Variants in WWP1 observed in about 807,000 individuals in gnomAD.
The protein encoded by WWP1 is WW domain containing E3 ubiquitin protein ligase 1.
Under a neutral mutation model 130.6 loss-of-function variants are expected in WWP1, and 49 were observed. The ratio of observed to expected loss-of-function variants is 0.38; its 90% CI spans 0.30 to 0.48. The LOEUF is 0.48. WWP1 is among the 20% of genes least tolerant of loss of function. The pLI is 0.99. For missense variants in WWP1, 809 were observed against 1,100.6 expected (o/e 0.74, Z 3.75); for synonymous variants, 332 against 367.8 (o/e 0.90, Z 1.11).
At chr8:86,374,162 CT>C (rs1396917781) in intron 3 of WWP1, 42 bp downstream of exon 3, 3 of 1,512,898 alleles carry the variant, frequency 2.0e-6, no homozygotes, top group African/African-American at 1.4e-5. Context: ...CCCTGATGAA[CT>C]TTTCTTTTGA....
In WWP1 at chr8:86,431,719, A is replaced by G; in HGVS notation, c.1577A>G (p.Asp526Gly). 1 of 1,613,942 alleles carries G rather than the reference A, an allele frequency of 6.2e-7. No homozygotes were observed. The highest frequency in any genetic ancestry group is 8.5e-7 in the Non-Finnish European group (1 of 1,179,898). Residue 526 changes from aspartate to glycine, a missense_variant, in exon 14 of 25, where the codon GAT (aspartate) becomes GGT (glycine). By Grantham distance (94) the Asp-to-Gly change is moderately conservative (BLOSUM62 -1). This residue lies in a region of WWP1 where 450 missense variants were observed against 674.2 expected (regional missense o/e 0.67). Coordinates refer to ENST00000517970, the MANE Select transcript of WWP1 (RefSeq NM_007013.4). ...DHNTRTTTFKDPRNGKSSVTK... is the reference protein window; with the variant it reads ...DHNTRTTTFKGPRNGKSSVTK... ...AACACAAGAACAACAACATTCAAAG[A>G]TCCTCGCAATGGGAAGTCATCTGTG...
chr8:86,424,642 A>G (rs1430828375), intron 9 of WWP1, among the ~76,000 whole-genome samples: 1 of 151,708 alleles, frequency 6.6e-6, no homozygotes, highest in Non-Finnish European at 1.5e-5. Context: ...GTCTCCACCA[A>G]AAAAATACGA....
intron 14 of WWP1, 78 bp downstream of exon 14, chr8:86,431,821 T>A: frequency 1.9e-6 from 3 of 1,572,610 alleles, no homozygotes; most frequent in Non-Finnish European, 2.6e-6. Flanking sequence ...TATCCTCAAG[T>A]TTAGCAAAAC....
intron 3 of WWP1, among the ~76,000 whole-genome samples, chr8:86,378,573 AAATC>A (rs1586301050): frequency 6.6e-6 from 1 of 152,298 alleles, no homozygotes; most frequent in East Asian, 1.9e-4. Flanking sequence ...ATGAGAAAAA[AAATC>A]TATATATTCT....
intron 23 of WWP1, 39 bp from the exon 24 acceptor site, chr8:86,461,735 A>T: frequency 1.3e-6 from 2 of 1,556,084 alleles, no homozygotes; most frequent in Non-Finnish European, 1.8e-6. Context: ...AAAAAAGTTT[A>T]AAGGACCAGA....
chr8:86,461,205 A>T lies in WWP1; in HGVS notation c.2500-19A>T, dbSNP rs746700404. The T allele has an allele frequency of 1.3e-6, 2 of 1,582,604 alleles. No homozygotes were observed. Among genetic ancestry groups the T allele is most frequent in the Non-Finnish European group, 1.7e-6 (2 of 1,152,008 alleles). On this transcript the variant is annotated intron_variant, in intron 22 of 24. Coordinates refer to ENST00000517970, the MANE Select transcript of WWP1 (RefSeq NM_007013.4). The stretch of plus-strand genomic sequence containing the variant: ...ATAGTTTAGCATTTCATATTAAAGT[A>T]CATTTAATTTCATTACAGTTTGTGA...
At chr8:86,359,473 T>C (rs1415806917) in intron 1 of WWP1, among the ~76,000 whole-genome samples, 2 of 152,194 alleles carry the variant, frequency 1.3e-5, no homozygotes, top group African/African-American at 4.8e-5. Flanking sequence ...CAGGGAATTT[T>C]GTCTATTCTC....
chr8:86,433,811 A>T (rs1401538456), intron 14 of WWP1, among the ~76,000 whole-genome samples: 1 of 152,070 alleles, frequency 6.6e-6, no homozygotes, highest in African/African-American at 2.4e-5. Context: ...CCAGCTACTC[A>T]GGAGGCTGAG....
chr8:86,424,509 G>A (rs1168606635), intron 9 of WWP1, among the ~76,000 whole-genome samples: 1 of 152,002 alleles, frequency 6.6e-6, no homozygotes, highest in Non-Finnish European at 1.5e-5. Flanking sequence ...CTCCAGCCTG[G>A]GCACCATTGA....
intron 1 of WWP1, among the ~76,000 whole-genome samples, chr8:86,359,771 C>T (rs947828314): frequency 1.7e-4 from 26 of 151,952 alleles, no homozygotes; most frequent in African/African-American, 5.1e-4. Flanking sequence ...CAGTCCTCGG[C>T]GGGCGCAGTG....
chr8:86,409,447 G>T (rs1457590345), intron 8 of WWP1, among the ~76,000 whole-genome samples: 1 of 149,752 alleles, frequency 6.7e-6, no homozygotes, highest in African/African-American at 2.4e-5. Context: ...TGTTGGTCAG[G>T]GTGGTCTCAA....
At chr8:86,430,068 G>A (rs1048966452) in intron 11 of WWP1, among the ~76,000 whole-genome samples, 14 of 152,026 alleles carry the variant, frequency 9.2e-5, no homozygotes, top group African/African-American at 2.7e-4. Context: ...GTGTGGTGGC[G>A]CATATCTGTA....
At chr8:86,437,039 T>C (rs1303719679) in intron 16 of WWP1, among the ~76,000 whole-genome samples, 3 of 152,198 alleles carry the variant, frequency 2.0e-5, no homozygotes, top group Non-Finnish European at 4.4e-5. Context: ...TTAGTAAATG[T>C]ACATCTGAAT....
intron 8 of WWP1, among the ~76,000 whole-genome samples, chr8:86,403,609 A>G (rs1039155331): frequency 2.6e-5 from 4 of 152,140 alleles, no homozygotes; most frequent in African/African-American, 9.7e-5. Flanking sequence ...ATAAGTCTTA[A>G]TTGTGTATTT....
At chr8:86,399,964 T>C (rs1210462080) in intron 7 of WWP1, among the ~76,000 whole-genome samples, 2 of 152,196 alleles carry the variant, frequency 1.3e-5, no homozygotes. Flanking sequence ...AATGCCTGTT[T>C]GATGCCAGAC....
chr8:86,413,362 T>C (rs374381032), intron 9 of WWP1, among the ~76,000 whole-genome samples: 8 of 152,236 alleles, frequency 5.3e-5, no homozygotes, highest in African/African-American at 1.9e-4. Flanking sequence ...CTGTTCTTAC[T>C]GTCAAGAACC....
chr8:86,362,897 ATC>A (rs1226638910), intron 1 of WWP1, among the ~76,000 whole-genome samples: 1 of 152,222 alleles, frequency 6.6e-6, no homozygotes, highest in Non-Finnish European at 1.5e-5. Flanking sequence ...TAGCAGGACT[ATC>A]TGCATTTTTC....
At chr8:86,381,212 T>A (rs1478095584) in intron 4 of WWP1, among the ~76,000 whole-genome samples, 1 of 152,174 alleles carries the variant, frequency 6.6e-6, no homozygotes. Context: ...AGACATTTGT[T>A]CAAATACAAA....
At chr8:86,355,965 T>TA (rs771837137) in intron 1 of WWP1, among the ~76,000 whole-genome samples, 4 of 152,226 alleles carry the variant, frequency 2.6e-5, no homozygotes, top group African/African-American at 4.8e-5. Context: ...AATTCAGACT[T>TA]ACTAGTTTCA....
Sources: allele counts gnomAD v4.1 joint callset (sites outside exome capture counted in the v4.1 genomes callset), GRCh38; gene constraint gnomAD v4.1.1; regional missense constraint gnomAD v4.1.1; transcripts MANE v1.5; gene names NCBI Gene and HGNC (gene_info 2026-07-23, HGNC 2026-07-21).